The following CPEB4 variants were observed in gnomAD, a reference collection of about 807,000 sequenced individuals.
The protein encoded by CPEB4 is cytoplasmic polyadenylation element binding protein 4.
Under a neutral mutation model 72.5 loss-of-function variants are expected in CPEB4, and 12 were observed. The ratio of observed to expected loss-of-function variants is 0.17; its 90% confidence interval spans 0.11 to 0.27. CPEB4 has a LOEUF of 0.27. Ranked by LOEUF, CPEB4 falls within the 10% of genes least tolerant of loss-of-function variation. The probability of loss-of-function intolerance (pLI) is 1.00; values close to 1 mark genes in which losing one functional copy is unlikely to be tolerated. For missense variants in CPEB4, 614 were observed against 908.5 expected, an observed-to-expected ratio of 0.68 and a Z score of 4.17; for synonymous variants, 302 against 326.3, an observed-to-expected ratio of 0.93 and a Z score of 0.80.
chr5:173,891,980 AAAAC>A lies in CPEB4; in HGVS notation c.1125+1127_1125+1130del, dbSNP rs564602415. ...GAGTACAAATTCTAAGTTAAAAAAA[AAAAC>A]AAACCCAAGGATTGAAAATATGTAT... On this transcript the variant is annotated intron_variant, in intron 1 of 9. Coordinates refer to ENST00000265085, the MANE Select transcript of CPEB4 (RefSeq NM_030627.4). Among the ~76,000 whole-genome samples, 24 of 152,212 alleles carry A rather than the reference AAAAC, an allele frequency of 1.6e-4. No homozygotes were observed. The South Asian group carries it at 4.4e-3, about 28-fold the overall frequency.
At chr5:173,933,252 C>T (rs949299635) in intron 3 of CPEB4, among the ~76,000 whole-genome samples, 27 of 152,142 alleles carry the variant, frequency 1.8e-4, no homozygotes, top group African/African-American at 6.5e-4. Context: ...TTAAGTCCCA[C>T]GACCTCTAAG....
At position 173,958,790 on chromosome 5, in the gene CPEB4, CA is replaced by C. The variant is rs1452120985; in HGVS notation, c.*2654del. The C allele has an allele frequency of 6.6e-6, 1 of 152,484 alleles. No homozygotes were observed. The highest frequency in any genetic ancestry group is 2.4e-5 in the African/African-American group (1 of 41,394). 9.4% of individuals were successfully genotyped at this position (152,484 alleles called of 1,614,324 possible). On this transcript the variant is annotated 3_prime_UTR_variant, in exon 10 of 10. Coordinates refer to ENST00000265085, the MANE Select transcript of CPEB4 (RefSeq NM_030627.4). Reference sequence around the variant, plus strand: ...TTTAAAATTATTCATAAAATGCAGACATTTTTGGTGAATGTTTAGCCATTTT... The same window carrying C: ...TTTAAAATTATTCATAAAATGCAGACTTTTTGGTGAATGTTTAGCCATTTT...
chr5:173,939,358 TAC>T (rs1757744159), intron 3 of CPEB4, among the ~76,000 whole-genome samples: 2 of 152,080 alleles, frequency 1.3e-5, no homozygotes, highest in African/African-American at 2.4e-5. Context: ...CATACATACA[TAC>T]ATACATACAT....
In CPEB4 at chr5:173,904,610, C is replaced by T. The variant is rs556589141; in HGVS notation, c.1126-5913C>T. On this transcript the variant is annotated intron_variant, in intron 1 of 9. Coordinates refer to ENST00000265085, the MANE Select transcript of CPEB4 (RefSeq NM_030627.4). Reference sequence around the variant, plus strand: ...CCAGCATATTCATACCCTCAGAACCCTTAGAGTGCCTCCTTTATTCAAATG... The same window carrying T: ...CCAGCATATTCATACCCTCAGAACCTTTAGAGTGCCTCCTTTATTCAAATG... 1.2e-3 allele frequency among the ~76,000 whole-genome samples: 186 copies of T among 152,250 alleles called. 3 individuals carry two copies. The highest frequency in any genetic ancestry group is 3.2e-4 in the Non-Finnish European group (22 of 68,012).
intron 3 of CPEB4, among the ~76,000 whole-genome samples, chr5:173,940,669 GA>G (rs1229439264): frequency 7.2e-5 from 11 of 152,042 alleles, no homozygotes; most frequent in Non-Finnish European, 2.9e-5. Context: ...AAATTTACAT[GA>G]AAAATAATGT....
chr5:173,954,911 T>C (rs1758329919), intron 9 of CPEB4, among the ~76,000 whole-genome samples: 1 of 152,056 alleles, frequency 6.6e-6, no homozygotes, highest in South Asian at 2.1e-4. Flanking sequence ...ACACTCTTCT[T>C]CTCCTTTTGT....
intron 1 of CPEB4, among the ~76,000 whole-genome samples, chr5:173,910,137 C>G (rs1318249721): frequency 2.6e-5 from 4 of 151,708 alleles, no homozygotes; most frequent in Non-Finnish European, 5.9e-5. Context: ...AGGTACCAGT[C>G]TAGCAGATAA....
chr5:173,934,613 T>A (rs1456391625), intron 3 of CPEB4, among the ~76,000 whole-genome samples: 1 of 152,146 alleles, frequency 6.6e-6, no homozygotes, highest in Non-Finnish European at 1.5e-5. Flanking sequence ...TGATGAAGGA[T>A]TAGTTTTTTA....
intron 1 of CPEB4, among the ~76,000 whole-genome samples, chr5:173,893,382 T>C (rs1028553737): frequency 5.3e-5 from 8 of 152,098 alleles, no homozygotes; most frequent in Non-Finnish European, 1.2e-4. Flanking sequence ...CTTGGGAGGC[T>C]GAGGCAGAAG....
At chr5:173,907,622 T>A (rs1276088477) in intron 1 of CPEB4, among the ~76,000 whole-genome samples, 1 of 152,236 alleles carries the variant, frequency 6.6e-6, no homozygotes, top group African/African-American at 2.4e-5. Context: ...ATATTTTAAA[T>A]GTTTAAAAAT....
At chr5:173,898,707 C>T (rs1413647041) in intron 1 of CPEB4, among the ~76,000 whole-genome samples, 1 of 152,190 alleles carries the variant, frequency 6.6e-6, no homozygotes, top group Non-Finnish European at 1.5e-5. Context: ...GACAAGGTCT[C>T]ATTCTGTTGC....
intron 1 of CPEB4, among the ~76,000 whole-genome samples, chr5:173,897,102 A>G (rs373498483): frequency 2.0e-5 from 3 of 152,222 alleles, no homozygotes; most frequent in African/African-American, 7.2e-5. Flanking sequence ...ATCTTGCTAT[A>G]TATGCTTTAT....
intron 2 of CPEB4, among the ~76,000 whole-genome samples, chr5:173,928,884 A>G (rs950449008): frequency 3.3e-5 from 5 of 152,204 alleles, no homozygotes; most frequent in African/African-American, 9.6e-5. Flanking sequence ...AAGTTAGGGA[A>G]GCATTATGAA....
Position 173,950,008 on chromosome 5 carries a change from T to A in CPEB4, c.1595T>A (p.Ile532Asn). 1 of 1,612,666 alleles carries A rather than the reference T, an allele frequency of 6.2e-7. No individual in the cohort carries two copies. The highest frequency in any genetic ancestry group is 1.1e-5 in the South Asian group (1 of 90,830). ...FQDESSVQALIDACIEEDGKL... is the reference protein window; with the variant it reads ...FQDESSVQALNDACIEEDGKL... ...GATGAAAGCTCTGTGCAGGCTCTCA[T>A]TGATGCATGCATTGAAGAAGATGGA... The change falls in exon 7 of 10, where the codon ATT becomes AAT. Residue 532 changes from isoleucine (I) to asparagine (N), a missense_variant. Ile to Asn is a moderately radical substitution (Grantham distance 149, BLOSUM62 -3). This residue lies in a region of CPEB4 where 23 missense variants were observed against 21.8 expected (regional missense o/e 1.05). Coordinates refer to ENST00000265085, the MANE Select transcript of CPEB4 (RefSeq NM_030627.4). The surrounding 1 kb of genome is among the most constrained non-coding windows in gnomAD (Gnocchi z 5.0).
intron 1 of CPEB4, among the ~76,000 whole-genome samples, chr5:173,894,938 G>A (rs1162436159): frequency 6.6e-6 from 1 of 152,152 alleles, no homozygotes; most frequent in Non-Finnish European, 1.5e-5. Flanking sequence ...GAAAATAATT[G>A]AGTATACTTG....
In CPEB4 at chr5:173,890,829, A is replaced by G; in HGVS notation, c.1096A>G (p.Asn366Asp). ...TAAATCCTGGATGGAAGATAGCTTG[A>G]ACAGGGCTGACAACATTTTTCCTTT... ...APKSWMEDSL[N>D]RADNIFPFPD... Residue 366 changes from asparagine to aspartate, a missense_variant, in exon 1 of 10, where the codon AAC becomes GAC. Physicochemically the swap from Asn to Asp is conservative, Grantham distance 23. Transcript: ENST00000265085. The G allele has an allele frequency of 6.2e-7, 1 of 1,613,476 alleles. No homozygotes were observed. Among genetic ancestry groups the G allele is most frequent in the Non-Finnish European group, 8.5e-7 (1 of 1,179,614 alleles).
intron 3 of CPEB4, among the ~76,000 whole-genome samples, chr5:173,942,407 T>C (rs1757878495): frequency 6.6e-6 from 1 of 152,250 alleles, no homozygotes; most frequent in African/African-American, 2.4e-5. Context: ...ACCTTTACTT[T>C]GCCCCTTGGC....
chr5:173,901,790 CAG>C (rs1286629009), intron 1 of CPEB4, among the ~76,000 whole-genome samples: 6 of 152,308 alleles, frequency 3.9e-5, no homozygotes, highest in Middle Eastern at 3.4e-3. Flanking sequence ...ATGCACAACA[CAG>C]AGCCAGGAGG....
intron 1 of CPEB4, among the ~76,000 whole-genome samples, chr5:173,903,054 C>T (rs1348968599): frequency 7.5e-6 from 1 of 133,468 alleles, no homozygotes; most frequent in African/African-American, 2.7e-5. Context: ...TTCCATGTAG[C>T]TGAATGAAAA....
Sources: gnomAD v4.1 joint callset for allele counts (sites outside exome capture counted in the v4.1 genomes callset) on GRCh38, gnomAD v4.1.1 for gene constraint, gnomAD v4.1.1 regional missense constraint, Gnocchi (gnomAD v3.1) non-coding constraint, MANE v1.5 for transcripts, NCBI Gene and HGNC (gene_info 2026-07-23, HGNC 2026-07-21) for gene names.